The following DOCK1 variants were observed in gnomAD, a reference collection of about 807,000 sequenced individuals.
DOCK1 encodes dedicator of cytokinesis 1.
A neutral mutation model predicts 262.7 loss-of-function variants in DOCK1; 138 were observed. The observed-to-expected ratio is 0.53, with a 90% CI of 0.46 to 0.61. The LOEUF is 0.61. Ranked by LOEUF, DOCK1 falls within the 20% of genes least tolerant of loss-of-function variation. The pLI, the probability that DOCK1 is intolerant of heterozygous loss-of-function variation, is 0.00. For synonymous variants in DOCK1, 866 were observed against 867.4 expected, an observed-to-expected ratio of 1.00 and a Z score of 0.03; for missense variants, 1,908 against 2,370.7, an observed-to-expected ratio of 0.80 and a Z score of 4.05.
chr10:127,085,689 C>T (rs965129276), intron 23 of DOCK1, among the ~76,000 whole-genome samples: 4 of 151,880 alleles, frequency 2.6e-5, no homozygotes, highest in South Asian at 4.2e-4. Flanking sequence ...ACCCAGGAGG[C>T]GGAGGTTGCA....
Position 127,404,492 on chromosome 10 carries a change from G to A in DOCK1, c.4122+63G>A, listed in dbSNP as rs556377921. On this transcript the variant is annotated intron_variant, in intron 40 of 51. Coordinates refer to ENST00000623213, the MANE Select transcript of DOCK1 (RefSeq NM_001290223.2). ...TCCCCCAGCAGAAAATCCCCTTCCC[G>A]TTCTGAGGAAGGGTGGGGAGTTTGC... 18 of 1,489,986 alleles carry A rather than the reference G, an allele frequency of 1.2e-5. No homozygotes were observed. In the African/African-American group the frequency reaches 1.4e-4, roughly 11 times the overall value. 92.3% of individuals were successfully genotyped at this position (1,489,986 alleles called of 1,614,324 possible).
At chr10:127,095,625 G>C (rs1161050892) in intron 23 of DOCK1, among the ~76,000 whole-genome samples, 1 of 151,810 alleles carries the variant, frequency 6.6e-6, no homozygotes, top group South Asian at 2.1e-4. Context: ...TGTGTGCCAG[G>C]CACCCATCTG....
At chr10:127,363,062 C>T (rs1180382577) in intron 33 of DOCK1, among the ~76,000 whole-genome samples, 1 of 145,554 alleles carries the variant, frequency 6.9e-6, no homozygotes, top group African/African-American at 2.7e-5. Flanking sequence ...CACGTACATC[C>T]CCACATATAC....
intron 33 of DOCK1, among the ~76,000 whole-genome samples, chr10:127,370,630 A>G (rs10765017): frequency 0.26 from 39,353 of 152,174 alleles, 5,475 homozygotes; most frequent in East Asian, 0.44. Flanking sequence ...TGATCTTTCA[A>G]ATAGGTGCCA....
chr10:126,974,415 G>A (rs1319391271), intron 2 of DOCK1, among the ~76,000 whole-genome samples: 1 of 152,138 alleles, frequency 6.6e-6, no homozygotes, highest in Non-Finnish European at 1.5e-5. Context: ...TTCCTGTGCT[G>A]GACTGTGTCC....
chr10:126,949,731 A>G (rs1199512368), intron 1 of DOCK1, among the ~76,000 whole-genome samples: 4 of 152,122 alleles, frequency 2.6e-5, no homozygotes, highest in African/African-American at 9.7e-5. Flanking sequence ...CCTAAAAAGG[A>G]CTTTGTGACA....
intron 28 of DOCK1, among the ~76,000 whole-genome samples, chr10:127,254,007 T>A: frequency 6.6e-6 from 1 of 152,044 alleles, no homozygotes; most frequent in East Asian, 1.9e-4. Context: ...TTTCAGTCAG[T>A]GAGAGACAGG....
chr10:126,989,880 G>C (rs2039670941), intron 5 of DOCK1, among the ~76,000 whole-genome samples: 1 of 152,234 alleles, frequency 6.6e-6, no homozygotes, highest in South Asian at 2.1e-4. Context: ...ATTGAGATTT[G>C]GCCTCTTGCA....
At chr10:127,425,036 G>A (rs949846776) in intron 46 of DOCK1, among the ~76,000 whole-genome samples, 4 of 151,172 alleles carry the variant, frequency 2.6e-5, no homozygotes, top group Non-Finnish European at 5.9e-5. Flanking sequence ...ACTTATTATC[G>A]TTCATACTAA....
At chr10:127,206,558 C>G (rs1589943422) in intron 27 of DOCK1, among the ~76,000 whole-genome samples, 2 of 152,206 alleles carry the variant, frequency 1.3e-5, no homozygotes, top group Admixed American at 6.5e-5. Context: ...GTAAGAGAGT[C>G]TTGATGTGAT....
At chr10:126,984,185 G>A (rs1425528710) in intron 4 of DOCK1, among the ~76,000 whole-genome samples, 3 of 152,018 alleles carry the variant, frequency 2.0e-5, no homozygotes, top group Admixed American at 2.0e-4. Flanking sequence ...GTCTCTGTGG[G>A]TGATGCTCAC....
At chr10:127,247,882 G>C in intron 27 of DOCK1, 126 bp from the exon 28 acceptor site, 1 of 834,274 alleles carries the variant, frequency 1.2e-6, no homozygotes, top group Non-Finnish European at 1.9e-6. Flanking sequence ...GCAGAACCCA[G>C]GGCTCCCTGC....
intron 23 of DOCK1, among the ~76,000 whole-genome samples, chr10:127,074,585 G>A (rs2046407294): frequency 6.6e-6 from 1 of 152,062 alleles, no homozygotes; most frequent in Admixed American, 6.5e-5. Flanking sequence ...TAGCAAAGAG[G>A]TAGAAGAAAA....
At chr10:127,310,351 A>G (rs1242513064) in intron 29 of DOCK1, among the ~76,000 whole-genome samples, 2 of 151,942 alleles carry the variant, frequency 1.3e-5, no homozygotes, top group African/African-American at 2.4e-5. Context: ...ACCTCTGAAA[A>G]TGAAGGAAAT....
At position 127,175,947 on chromosome 10, in the gene DOCK1, T is replaced by G; in HGVS notation, c.2847+48183T>G. Reference sequence around the variant, plus strand: ...CTCCTCCATGGGTCCAGCCTCGTTCTTCTCTTTCGCATCTGTTAGAAACCC... The same window carrying G: ...CTCCTCCATGGGTCCAGCCTCGTTCGTCTCTTTCGCATCTGTTAGAAACCC... On this transcript the variant is annotated intron_variant, in intron 27 of 51. Transcript: ENST00000623213. This position sits in a 1 kb window ranked among gnomAD's most constrained non-coding sequence, Gnocchi z 6.3. The G allele has an allele frequency of 5.0e-6, 8 of 1,614,242 alleles. No homozygotes were observed. Among genetic ancestry groups the G allele is most frequent in the Non-Finnish European group, 5.9e-6 (7 of 1,180,048 alleles).
At chr10:127,255,433 A>G (rs1345455682) in intron 28 of DOCK1, among the ~76,000 whole-genome samples, 2 of 152,208 alleles carry the variant, frequency 1.3e-5, no homozygotes, top group Non-Finnish European at 2.9e-5. Flanking sequence ...AAAATGCAAC[A>G]GGAATAAATC....
intron 27 of DOCK1, among the ~76,000 whole-genome samples, chr10:127,226,864 C>T (rs1343332966): frequency 6.6e-6 from 1 of 152,160 alleles, no homozygotes; most frequent in Non-Finnish European, 1.5e-5. Context: ...CCATCCCCAC[C>T]TTCACCTGGG....
At chr10:127,229,476 T>G (rs1234971545) in intron 27 of DOCK1, among the ~76,000 whole-genome samples, 1 of 152,158 alleles carries the variant, frequency 6.6e-6, no homozygotes, top group Non-Finnish European at 1.5e-5. Context: ...AGAAGTGAGA[T>G]CATGCTGTGT....
At chr10:127,069,470 A>G (rs112446818) in intron 23 of DOCK1, among the ~76,000 whole-genome samples, 149 of 152,358 alleles carry the variant, frequency 9.8e-4, no homozygotes, top group African/African-American at 3.3e-3. Context: ...ATTTTGAGTC[A>G]GAAGGGTTTC....
Sources: gnomAD v4.1 joint callset for allele counts (sites outside exome capture counted in the v4.1 genomes callset) on GRCh38, gnomAD v4.1.1 for gene constraint, Gnocchi (gnomAD v3.1) non-coding constraint, MANE v1.5 for transcripts, NCBI Gene and HGNC (gene_info 2026-07-23, HGNC 2026-07-21) for gene names.